COL10A1: variants seen among roughly 807,000 people sequenced by gnomAD.
COL10A1 encodes the protein collagen type X alpha 1 chain.
A neutral mutation model predicts 18.2 loss-of-function variants in COL10A1; 10 were observed. That is an observed-to-expected ratio of 0.55 (90% confidence interval 0.34 to 0.93). COL10A1 has a LOEUF of 0.93. COL10A1 is among the 40% of genes least tolerant of loss of function. The probability of loss-of-function intolerance (pLI) is 0.02; values close to 1 mark genes in which losing one functional copy is unlikely to be tolerated. For synonymous variants in COL10A1, 330 were observed against 316.6 expected, an observed-to-expected ratio of 1.04 and a Z score of -0.45; for missense variants, 897 against 853.5, an observed-to-expected ratio of 1.05 and a Z score of -0.64.
chr6:116,191,636 TAC>T, the COL10A1 span, among the ~76,000 whole-genome samples: 2 of 152,054 alleles, frequency 1.3e-5, no homozygotes, highest in Non-Finnish European at 2.9e-5. Flanking sequence ...AGTAGGAAAA[TAC>T]AGTCTGTCTA....
At chr6:116,137,847 C>T (rs749861951) in intron 1 of COL10A1, among the ~76,000 whole-genome samples, 3 of 152,038 alleles carry the variant, frequency 2.0e-5, no homozygotes, top group African/African-American at 2.4e-5. Context: ...TTTGGGAGGC[C>T]GAGGCAGACG....
chr6:116,198,175 T>C, the COL10A1 span, among the ~76,000 whole-genome samples: 1 of 152,042 alleles, frequency 6.6e-6, no homozygotes, highest in African/African-American at 2.4e-5. Flanking sequence ...CCTCTCCAAA[T>C]TGAGGTCACT....
At chr6:116,216,392 T>TA in the COL10A1 span, among the ~76,000 whole-genome samples, 63,306 of 148,294 alleles carry the variant, frequency 0.43, 17,196 homozygotes, top group African/African-American at 0.78. Flanking sequence ...TGGGAAGCTT[T>TA]AAAAAAAAAA....
At chr6:116,183,477 T>C in the COL10A1 span, among the ~76,000 whole-genome samples, 1 of 151,558 alleles carries the variant, frequency 6.6e-6, no homozygotes, top group Admixed American at 6.6e-5. Flanking sequence ...TGGTCATTTT[T>C]TAAATATGGA....
At chr6:116,203,047 A>G in the COL10A1 span, among the ~76,000 whole-genome samples, 1 of 151,986 alleles carries the variant, frequency 6.6e-6, no homozygotes, top group Non-Finnish European at 1.5e-5. Context: ...TTTTTCCCAC[A>G]GATTATGATA....
upstream of COL10A1, among the ~76,000 whole-genome samples, chr6:116,163,126 CAAAA>C (rs71272373): frequency 8.3e-5 from 7 of 84,304 alleles, no homozygotes; most frequent in East Asian, 1.4e-3. Context: ...GACTCCGTCT[CAAAA>C]AAAAAAAAAA....
At chr6:116,184,233 C>T in the COL10A1 span, among the ~76,000 whole-genome samples, 2 of 152,014 alleles carry the variant, frequency 1.3e-5, no homozygotes, top group African/African-American at 2.4e-5. Context: ...ACTATCCCTG[C>T]GTCCCTCATA....
At chr6:116,158,223 AGT>A (rs1780247319) in intron 1 of COL10A1, among the ~76,000 whole-genome samples, 1 of 152,054 alleles carries the variant, frequency 6.6e-6, no homozygotes, top group African/African-American at 2.4e-5. Flanking sequence ...ATTACAAGTG[AGT>A]GTAGATCTGG....
chr6:116,150,349 G>A (rs562951229), intron 1 of COL10A1, among the ~76,000 whole-genome samples: 1 of 152,092 alleles, frequency 6.6e-6, no homozygotes, highest in African/African-American at 2.4e-5. Flanking sequence ...GCAGTGGCAT[G>A]TCTTGGCTCA....
the COL10A1 span, among the ~76,000 whole-genome samples, chr6:116,175,762 T>C: frequency 5.4e-4 from 83 of 152,312 alleles, 1 homozygote; most frequent in East Asian, 0.014. Context: ...CTTTTAATAT[T>C]TCCATAGTTT....
rs754619889 is a variant in COL10A1, at chr6:116,125,352, G to A, written c.141C>T (p.Thr47=). The change falls in exon 2 of 3, where the codon ACC becomes ACT. Residue 47 remains threonine (T), a synonymous_variant. Coordinates refer to ENST00000651968, the MANE Select transcript of COL10A1 (RefSeq NM_000493.4). ...AATTCAATTTACCTTTACTCTTTAT[G>A]GTGTAGGGAATGAAGAACTGTGTCT... ...NTKTQFFIPY[T]IKSKGIAVRG... is the part of the protein sequence containing the mutation. 1 of 1,613,510 alleles carries A rather than the reference G, an allele frequency of 6.2e-7. No homozygotes were observed. Among genetic ancestry groups the A allele is most frequent in the African/African-American group, 1.3e-5 (1 of 74,888 alleles).
chr6:116,167,516 T>C, the COL10A1 span, among the ~76,000 whole-genome samples: 3 of 152,150 alleles, frequency 2.0e-5, no homozygotes, highest in Admixed American at 1.3e-4. Flanking sequence ...CCAGCCCACA[T>C]AGAACTTTCT....
At chr6:116,208,767 A>T in the COL10A1 span, among the ~76,000 whole-genome samples, 1 of 152,138 alleles carries the variant, frequency 6.6e-6, no homozygotes, top group South Asian at 2.1e-4. Context: ...CATCTTATTC[A>T]GAGACTAAAA....
chr6:116,163,714 G>A (rs188771283), upstream of COL10A1, among the ~76,000 whole-genome samples: 281 of 152,092 alleles, frequency 1.8e-3, 1 homozygote, highest in African/African-American at 5.9e-3. Flanking sequence ...ATTTGGTTGC[G>A]AATTTGAGAT....
In COL10A1 at chr6:116,120,535, C is replaced by T. The variant is rs775553455; in HGVS notation, c.1581G>A (p.Lys527=). ...GQAVMPEGFI[K]AGQRPSLSGT... ...CAGAAAGACTGGGCCTTTGGCCTGC[C>T]TTTATAAAACCCTCAGGCATGACTG... Residue 527 remains lysine, a synonymous_variant, in exon 3 of 3, where the codon AAG becomes AAA. Coordinates refer to ENST00000651968, the MANE Select transcript of COL10A1 (RefSeq NM_000493.4). The T allele has an allele frequency of 1.9e-6, 3 of 1,613,836 alleles. No homozygotes were observed. The highest frequency in any genetic ancestry group is 2.5e-6 in the Non-Finnish European group (3 of 1,179,944).
the COL10A1 span, among the ~76,000 whole-genome samples, chr6:116,174,281 G>A: frequency 1.3e-5 from 2 of 152,044 alleles, no homozygotes; most frequent in African/African-American, 4.8e-5. Context: ...CAAGAGTGAC[G>A]GGTAGGTGTT....
intron 2 of COL10A1, among the ~76,000 whole-genome samples, chr6:116,122,252 A>C (rs927781721): frequency 6.6e-6 from 1 of 152,214 alleles, no homozygotes; most frequent in African/African-American, 2.4e-5. Context: ...AGTGCAGTGG[A>C]GGTAAATTTA....
At chr6:116,135,864 TATATATATAC>T (rs1282877741) in intron 1 of COL10A1, among the ~76,000 whole-genome samples, 5,148 of 108,576 alleles carry the variant, frequency 0.047, 147 homozygotes, top group Non-Finnish European at 0.062. Context: ...TATATATATA[TATATATATAC>T]ACACATACAC....
the COL10A1 span, among the ~76,000 whole-genome samples, chr6:116,208,845 G>C: frequency 6.6e-6 from 1 of 151,980 alleles, no homozygotes; most frequent in Non-Finnish European, 1.5e-5. Flanking sequence ...AGAGATGGCA[G>C]AGTAAAGAGA....
Sources: allele counts gnomAD v4.1 joint callset (sites outside exome capture counted in the v4.1 genomes callset), GRCh38; gene constraint gnomAD v4.1.1; transcripts MANE v1.5; gene names NCBI Gene and HGNC (gene_info 2026-07-23, HGNC 2026-07-21).